Variants in NOL4 observed in about 807,000 individuals in gnomAD.
The protein encoded by NOL4 is cancer/testis antigen 125.
Under a neutral mutation model 75.9 loss-of-function variants are expected in NOL4, and 17 were observed. The ratio of observed to expected loss-of-function variants is 0.22; its 90% CI spans 0.15 to 0.34. The LOEUF is 0.34. Ranked by LOEUF, NOL4 falls within the 10% of genes least tolerant of loss-of-function variation. The pLI, the probability that NOL4 is intolerant of heterozygous loss-of-function variation, is 1.00. For missense variants in NOL4, 614 were observed against 793.5 expected (o/e 0.77, Z 2.72); for synonymous variants, 292 against 289.9 (o/e 1.01, Z -0.07).
intron 1 of NOL4, among the ~76,000 whole-genome samples, chr18:34,160,724 C>T (rs945309123): frequency 3.9e-5 from 6 of 151,912 alleles, no homozygotes; most frequent in East Asian, 1.9e-4. Context: ...TTATGGGGTT[C>T]GGTGTGATAT....
intron 6 of NOL4, among the ~76,000 whole-genome samples, chr18:33,960,172 C>G (rs1264761391): frequency 1.3e-5 from 2 of 151,908 alleles, no homozygotes; most frequent in African/African-American, 4.8e-5. Context: ...TATAAAATTT[C>G]CACATATAAT....
At chr18:33,996,113 A>G (rs1370471745) in intron 6 of NOL4, among the ~76,000 whole-genome samples, 1 of 151,788 alleles carries the variant, frequency 6.6e-6, no homozygotes, top group East Asian at 1.9e-4. Flanking sequence ...AAAGACAAGG[A>G]TGCATGCTCT....
rs995666299 is a variant in NOL4 at position 34,015,172 on chromosome 18, C to T, written c.1056+4146G>A. ...GGTAAAGCAAGTATTGATCCAGATG[C>T]GGGAATCCTAGAGCACTCTACATTT... On this transcript the variant is annotated intron_variant, in intron 6 of 10. Transcript: ENST00000261592. 8.6e-5 allele frequency among the ~76,000 whole-genome samples: 13 copies of T among 152,038 alleles called. No homozygotes were observed. The South Asian group carries it at 2.5e-3, about 29-fold the overall frequency.
intron 5 of NOL4, among the ~76,000 whole-genome samples, chr18:34,092,298 G>C (rs188724766): frequency 6.6e-6 from 1 of 151,876 alleles, no homozygotes; most frequent in African/African-American, 2.4e-5. Context: ...CAAATAAATT[G>C]CTTTTCTACT....
In NOL4 at chr18:34,223,031, C is replaced by A. The variant is rs746220512; in HGVS notation, c.223G>T (p.Gly75Cys). 9.9e-6 allele frequency: 16 copies of A among 1,612,828 alleles called. No homozygotes were observed. The East Asian group carries it at 3.3e-4, about 34-fold the overall frequency. ...ACGTAGAGCACTTGCTTGGCGCCGC[C>A]GCCTCCCCCGCGGACCTCGTCCGGC... ...GQPDEVRGGG[G>C]GAKQVLYVPV... The change falls in exon 1 of 11, where the codon GGC becomes TGC. Residue 75 changes from glycine (G) to cysteine (C), a missense_variant. By Grantham distance (159) the Gly-to-Cys change is radical. This residue lies in a region of NOL4 where 49 missense variants were observed against 39.6 expected (regional missense o/e 1.24). Coordinates refer to ENST00000261592, the MANE Select transcript of NOL4 (RefSeq NM_003787.5).
chr18:34,120,429 G>A (rs1390040550), intron 2 of NOL4, among the ~76,000 whole-genome samples: 1 of 151,982 alleles, frequency 6.6e-6, no homozygotes, highest in African/African-American at 2.4e-5. Context: ...AACTTGATGA[G>A]TCATAAATGG....
chr18:34,222,906 C>G, intron 1 of NOL4, 84 bp downstream of exon 1: 1 of 1,537,856 alleles, frequency 6.5e-7, no homozygotes, highest in Non-Finnish European at 8.7e-7. Flanking sequence ...GCTCACGGCT[C>G]CCCCTCTCTC....
chr18:34,047,182 T>C (rs2076417701), intron 5 of NOL4, among the ~76,000 whole-genome samples: 1 of 152,154 alleles, frequency 6.6e-6, no homozygotes, highest in African/African-American at 2.4e-5. Flanking sequence ...GGAAAAGAAG[T>C]GCATGTGTGA....
At chr18:34,171,119 T>G (rs1043006902) in intron 1 of NOL4, among the ~76,000 whole-genome samples, 1 of 152,154 alleles carries the variant, frequency 6.6e-6, no homozygotes, top group African/African-American at 2.4e-5. Context: ...GCATTATAAC[T>G]GTAGTTTACC....
chr18:33,870,295 G>A, intron 10 of NOL4, among the ~76,000 whole-genome samples: 1 of 151,986 alleles, frequency 6.6e-6, no homozygotes, highest in Non-Finnish European at 1.5e-5. Context: ...CAAAGAATTT[G>A]TTCACATAGT....
chr18:34,090,245 C>A (rs1218638065), intron 5 of NOL4, among the ~76,000 whole-genome samples: 2 of 152,032 alleles, frequency 1.3e-5, no homozygotes, highest in Non-Finnish European at 2.9e-5. Flanking sequence ...ATATTTTAAT[C>A]ATTTAAATGA....
chr18:34,093,356 T>C, intron 5 of NOL4, 109 bp downstream of exon 5: 2 of 1,111,962 alleles, frequency 1.8e-6, no homozygotes, highest in South Asian at 3.5e-5. Context: ...TAGAAATGGG[T>C]AGATTTTTAA....
rs879094781 is a variant in NOL4, at chr18:34,065,113, C to T, written c.772+28352G>A. On this transcript the variant is annotated intron_variant, in intron 5 of 10. Coordinates refer to ENST00000261592, the MANE Select transcript of NOL4 (RefSeq NM_003787.5). ...AAAGGGTTAGATAATGATATCACTA[C>T]GTCCTTTAGCAGAGAAAGGAGCTTA... is the stretch of plus-strand genomic sequence containing the variant. 8.6e-5 allele frequency among the ~76,000 whole-genome samples: 13 copies of T among 151,954 alleles called. 1 individual carries two copies. Among genetic ancestry groups the T allele is most frequent in the South Asian group, 6.2e-4 (3 of 4,830 alleles).
chr18:33,895,891 A>G (rs373345106), intron 9 of NOL4, among the ~76,000 whole-genome samples: 1 of 152,158 alleles, frequency 6.6e-6, no homozygotes, highest in Non-Finnish European at 1.5e-5. Context: ...ACATAATTCT[A>G]TATCTAGAAA....
At chr18:33,996,283 C>CT (rs1452755386) in intron 6 of NOL4, among the ~76,000 whole-genome samples, 14 of 151,586 alleles carry the variant, frequency 9.2e-5, no homozygotes, top group Non-Finnish European at 2.1e-4. Flanking sequence ...TCCTAAAACT[C>CT]TATTAGAAAT....
At chr18:34,101,697 A>G (rs2079048796) in intron 4 of NOL4, among the ~76,000 whole-genome samples, 2 of 152,040 alleles carry the variant, frequency 1.3e-5, no homozygotes, top group Admixed American at 1.3e-4. Context: ...GAAGGAATAG[A>G]GCTTTGTTAA....
chr18:34,045,373 C>G (rs575975503), intron 5 of NOL4, among the ~76,000 whole-genome samples: 6 of 152,128 alleles, frequency 3.9e-5, no homozygotes, highest in African/African-American at 1.4e-4. Flanking sequence ...CAGTTATTAC[C>G]CCTACCATTT....
intron 1 of NOL4, among the ~76,000 whole-genome samples, chr18:34,192,383 A>C (rs1053919857): frequency 6.6e-6 from 1 of 152,192 alleles, no homozygotes; most frequent in African/African-American, 2.4e-5. Flanking sequence ...GTATAATACC[A>C]CAAAAGATGC....
At chr18:33,896,792 C>T (rs115704230) in intron 9 of NOL4, among the ~76,000 whole-genome samples, 2,557 of 152,184 alleles carry the variant, frequency 0.017, 63 homozygotes, top group African/African-American at 0.058. Flanking sequence ...AACTTAAGAG[C>T]TTCTCCACTG....
Sources: gnomAD v4.1 joint callset for allele counts (sites outside exome capture counted in the v4.1 genomes callset) on GRCh38, gnomAD v4.1.1 for gene constraint, gnomAD v4.1.1 regional missense constraint, MANE v1.5 for transcripts, NCBI Gene and HGNC (gene_info 2026-07-23, HGNC 2026-07-21) for gene names.